The following TNFSF4 variants were observed in gnomAD, a reference collection of about 807,000 sequenced individuals.
The protein encoded by TNFSF4 is TNF superfamily member 4.
TNFSF4 carries 4 observed loss-of-function variants against 7.3 expected under a neutral mutation model. That is an observed-to-expected ratio of 0.55 (90% CI 0.27 to 1.25). The LOEUF (loss-of-function observed/expected upper bound fraction) is 1.25, where lower values mean the gene tolerates loss of function less well. Among genes scored for constraint, TNFSF4 ranks in the 50% most tolerant of loss-of-function variants. The probability of loss-of-function intolerance (pLI) is 0.12; values close to 1 mark genes in which losing one functional copy is unlikely to be tolerated. For missense variants in TNFSF4, 181 were observed against 208.8 expected (o/e 0.87, Z 0.82); for synonymous variants, 76 against 83.7 (o/e 0.91, Z 0.50).
At chr1:173,342,709 C>T in the TNFSF4 span, among the ~76,000 whole-genome samples, 6 of 152,132 alleles carry the variant, frequency 3.9e-5, no homozygotes, top group African/African-American at 1.4e-4. Context: ...AAGCCATTAA[C>T]CAAAAATTCC....
upstream of TNFSF4, among the ~76,000 whole-genome samples, chr1:173,208,322 T>C (rs978901134): frequency 3.3e-5 from 5 of 152,172 alleles, no homozygotes; most frequent in Non-Finnish European, 7.3e-5. Flanking sequence ...TCTCTCTTTG[T>C]GGCCAAGTAT....
the TNFSF4 span, among the ~76,000 whole-genome samples, chr1:173,177,302 T>C: frequency 6.6e-6 from 1 of 152,124 alleles, no homozygotes. Context: ...GCAACATGGA[T>C]GGAGCTGGAA....
At chr1:173,219,468 T>C in the TNFSF4 span, among the ~76,000 whole-genome samples, 2 of 152,154 alleles carry the variant, frequency 1.3e-5, no homozygotes, top group Non-Finnish European at 2.9e-5. Flanking sequence ...TGTAAACTAG[T>C]AGAGATTCCG....
chr1:173,186,986 A>G, intron 2 of TNFSF4, 121 bp from the exon 3 acceptor site: 1 of 687,608 alleles, frequency 1.5e-6, no homozygotes, highest in Non-Finnish European at 2.4e-6. Context: ...TGAAAAGAGT[A>G]AAAGCAGTGA....
At chr1:173,432,445 A>C in the TNFSF4 span, among the ~76,000 whole-genome samples, 1 of 152,248 alleles carries the variant, frequency 6.6e-6, no homozygotes, top group African/African-American at 2.4e-5. Context: ...CCTTATAGAA[A>C]GAGAACGAGA....
chr1:173,395,977 T>C, the TNFSF4 span, among the ~76,000 whole-genome samples: 1 of 152,048 alleles, frequency 6.6e-6, no homozygotes, highest in Admixed American at 6.5e-5. Context: ...CTGAATTTCC[T>C]AGGAAGTTGT....
At chr1:173,419,711 G>C in the TNFSF4 span, among the ~76,000 whole-genome samples, 1 of 152,204 alleles carries the variant, frequency 6.6e-6, no homozygotes, top group Non-Finnish European at 1.5e-5. Flanking sequence ...ACACAAGGGA[G>C]AATAAAAGGA....
the TNFSF4 span, among the ~76,000 whole-genome samples, chr1:173,237,926 C>A: frequency 6.6e-6 from 1 of 152,110 alleles, no homozygotes; most frequent in African/African-American, 2.4e-5. Context: ...TCATATGGAA[C>A]CAAAAATGAG....
chr1:173,246,049 G>A, the TNFSF4 span, among the ~76,000 whole-genome samples: 1 of 152,140 alleles, frequency 6.6e-6, no homozygotes, highest in Non-Finnish European at 1.5e-5. Flanking sequence ...AATAAACATG[G>A]GAATTTCAAA....
the TNFSF4 span, among the ~76,000 whole-genome samples, chr1:173,234,904 T>G: frequency 6.6e-6 from 1 of 152,134 alleles, no homozygotes; most frequent in African/African-American, 2.4e-5. Flanking sequence ...GTAACAAACC[T>G]GCACGTTGTG....
the TNFSF4 span, among the ~76,000 whole-genome samples, chr1:173,351,358 G>A: frequency 1.3e-5 from 2 of 152,134 alleles, no homozygotes; most frequent in Admixed American, 6.5e-5. Context: ...TTCTCTTTGT[G>A]TTATGGTCCC....
chr1:173,211,645 C>G (rs1650374474), upstream of TNFSF4, among the ~76,000 whole-genome samples: 1 of 152,290 alleles, frequency 6.6e-6, no homozygotes, highest in African/African-American at 2.4e-5. Context: ...TACCCTCCAC[C>G]TCTGACTATC....
intron 1 of TNFSF4, among the ~76,000 whole-genome samples, chr1:173,191,353 T>A (rs1238311107): frequency 6.6e-6 from 1 of 152,142 alleles, no homozygotes; most frequent in African/African-American, 2.4e-5. Context: ...GGGTAGAAGT[T>A]TGCATATCCT....
the TNFSF4 span, among the ~76,000 whole-genome samples, chr1:173,231,214 G>T: frequency 1.2e-4 from 18 of 152,190 alleles, no homozygotes; most frequent in Non-Finnish European, 2.5e-4. Flanking sequence ...CTGGCAAACC[G>T]AATCCAGCAG....
the TNFSF4 span, among the ~76,000 whole-genome samples, chr1:173,273,326 C>G: frequency 0.32 from 49,392 of 151,980 alleles, 8,240 homozygotes; most frequent in Admixed American, 0.41. Flanking sequence ...GCTCCTGATA[C>G]GGACTTTCTT....
In TNFSF4 at chr1:173,185,905, T is replaced by C. The variant is rs1304759258; in HGVS notation, c.*611A>G. The stretch of plus-strand genomic sequence containing the variant: ...AAAGAAAAAAAGCACGTGGTATTTC[T>C]TAGACGGCTCTCTTCAAGTCCTGAT... On this transcript the variant is annotated 3_prime_UTR_variant, in exon 3 of 3. Transcript: ENST00000281834. 1.3e-5 allele frequency: 2 copies of C among 152,258 alleles called. No homozygotes were observed. Among genetic ancestry groups the C allele is most frequent in the Non-Finnish European group, 2.9e-5 (2 of 68,084 alleles). 9.4% of individuals were successfully genotyped at this position (152,258 alleles called of 1,614,324 possible).
the TNFSF4 span, among the ~76,000 whole-genome samples, chr1:173,361,016 T>A: frequency 6.6e-6 from 1 of 152,110 alleles, no homozygotes; most frequent in South Asian, 2.1e-4. Flanking sequence ...CCTGGAAAGA[T>A]AGAGAGATGA....
the TNFSF4 span, among the ~76,000 whole-genome samples, chr1:173,432,086 C>A: frequency 6.6e-6 from 1 of 152,120 alleles, no homozygotes; most frequent in Non-Finnish European, 1.5e-5. Flanking sequence ...AGAAGAGGTC[C>A]TCCACAATTA....
the TNFSF4 span, among the ~76,000 whole-genome samples, chr1:173,369,776 C>T: frequency 4.6e-5 from 7 of 152,158 alleles, no homozygotes; most frequent in African/African-American, 1.7e-4. Flanking sequence ...CAATACTATC[C>T]TGCAGCTTGA....
Sources: gnomAD v4.1 joint callset for allele counts (sites outside exome capture counted in the v4.1 genomes callset) on GRCh38, gnomAD v4.1.1 for gene constraint, MANE v1.5 for transcripts, NCBI Gene and HGNC (gene_info 2026-07-23, HGNC 2026-07-21) for gene names.